EFNA5: variants seen among roughly 807,000 people sequenced by gnomAD.
EFNA5 encodes ephrin-A5.
In EFNA5, 5 loss-of-function variants were observed where a neutral mutation model predicts 22.9. The observed-to-expected ratio is 0.22, with a 90% CI of 0.11 to 0.46. The LOEUF (loss-of-function observed/expected upper bound fraction) is 0.46, where lower values mean the gene tolerates loss of function less well. EFNA5 is among the 20% of genes least tolerant of loss of function. The pLI, the probability that EFNA5 is intolerant of heterozygous loss-of-function variation, is 0.99. For missense variants in EFNA5, 237 were observed against 293.3 expected, an observed-to-expected ratio of 0.81 and a Z score of 1.40; for synonymous variants, 113 against 112.2, an observed-to-expected ratio of 1.01 and a Z score of -0.04.
intron 1 of EFNA5, among the ~76,000 whole-genome samples, chr5:107,584,783 G>C (rs1232319884): frequency 6.6e-6 from 1 of 152,164 alleles, no homozygotes; most frequent in African/African-American, 2.4e-5. Context: ...ATAAGTGTTT[G>C]TGGAACAAAT....
rs146509179 is a variant in EFNA5 at position 107,486,094 on chromosome 5, G to A, written c.126-58585C>T. Among the ~76,000 whole-genome samples the A allele has an allele frequency of 5.3e-5, 8 of 152,286 alleles. No individual in the cohort carries two copies. The East Asian group carries it at 9.6e-4, about 18-fold the overall frequency. ...TCGCAGGTGAAATGACATTAAAGGC[G>A]TTACAGTAAAACAGAGACCAATCCT... On this transcript the variant is annotated intron_variant, in intron 1 of 4. Transcript: ENST00000333274.
intron 2 of EFNA5, among the ~76,000 whole-genome samples, chr5:107,422,655 G>T (rs995033334): frequency 2.0e-5 from 3 of 152,208 alleles, no homozygotes; most frequent in Non-Finnish European, 4.4e-5. Flanking sequence ...CCAGAATCAG[G>T]CAGACGGTGG....
intron 1 of EFNA5, among the ~76,000 whole-genome samples, chr5:107,517,451 C>G (rs1341246258): frequency 6.6e-6 from 1 of 152,168 alleles, no homozygotes; most frequent in Non-Finnish European, 1.5e-5. Context: ...ACTTTAGTTT[C>G]CTCATCTGTA....
At chr5:107,443,195 T>C (rs572766914) in intron 1 of EFNA5, among the ~76,000 whole-genome samples, 4 of 152,308 alleles carry the variant, frequency 2.6e-5, no homozygotes, top group Admixed American at 6.5e-5. Context: ...CCAAATAAGA[T>C]GGCAAATCCA....
chr5:107,663,053 A>C (rs1271883400), intron 1 of EFNA5, among the ~76,000 whole-genome samples: 1 of 152,124 alleles, frequency 6.6e-6, no homozygotes, highest in African/African-American at 2.4e-5. Context: ...TAAATATAAG[A>C]AGATAGCATT....
intron 1 of EFNA5, among the ~76,000 whole-genome samples, chr5:107,620,020 G>A (rs1179489413): frequency 6.6e-6 from 1 of 152,204 alleles, no homozygotes; most frequent in Non-Finnish European, 1.5e-5. Context: ...AAGCACTGTA[G>A]GCTGACAGTA....
chr5:107,556,289 A>ATGT (rs142005937), intron 1 of EFNA5, among the ~76,000 whole-genome samples: 3,898 of 152,306 alleles, frequency 0.026, 154 homozygotes, highest in African/African-American at 0.085. Flanking sequence ...GAGCTGTTAT[A>ATGT]TGTACACATT....
intron 2 of EFNA5, among the ~76,000 whole-genome samples, chr5:107,394,030 C>A (rs1747854839): frequency 6.6e-6 from 1 of 152,228 alleles, no homozygotes; most frequent in Non-Finnish European, 1.5e-5. Context: ...AATACTAAAG[C>A]AACAATTTGC....
intron 1 of EFNA5, among the ~76,000 whole-genome samples, chr5:107,637,915 C>T (rs1036894611): frequency 4.0e-5 from 6 of 151,736 alleles, no homozygotes; most frequent in Non-Finnish European, 5.9e-5. Context: ...GGCACTATCT[C>T]GGCTAACTGC....
chr5:107,597,533 C>G (rs888928911), intron 1 of EFNA5, among the ~76,000 whole-genome samples: 8 of 151,980 alleles, frequency 5.3e-5, no homozygotes, highest in Non-Finnish European at 7.4e-5. Flanking sequence ...TTGTATCACA[C>G]AGAATATAGC....
At chr5:107,625,902 A>G (rs1250495619) in intron 1 of EFNA5, among the ~76,000 whole-genome samples, 2 of 152,218 alleles carry the variant, frequency 1.3e-5, no homozygotes, top group African/African-American at 4.8e-5. Context: ...TGGTTTTCTT[A>G]AATTACAATA....
At chr5:107,427,105 G>A (rs1282636280) in intron 2 of EFNA5, 112 bp downstream of exon 2, 1 of 1,132,944 alleles carries the variant, frequency 8.8e-7, no homozygotes, top group Admixed American at 2.0e-5. Flanking sequence ...CATTTACAAG[G>A]AGATATCTGT....
At chr5:107,521,822 C>A (rs894905145) in intron 1 of EFNA5, among the ~76,000 whole-genome samples, 1 of 151,996 alleles carries the variant, frequency 6.6e-6, no homozygotes, top group African/African-American at 2.4e-5. Context: ...TATTGTATGT[C>A]TTTTTTTCTT....
intron 1 of EFNA5, among the ~76,000 whole-genome samples, chr5:107,544,107 G>A (rs712560): frequency 0.22 from 32,915 of 151,964 alleles, 3,913 homozygotes; most frequent in Middle Eastern, 0.37. Context: ...TGTTACTTGC[G>A]AATCGCCCCT....
chr5:107,451,483 A>C (rs1037285526), intron 1 of EFNA5, among the ~76,000 whole-genome samples: 7 of 152,236 alleles, frequency 4.6e-5, no homozygotes, highest in African/African-American at 1.4e-4. Flanking sequence ...AAGTCCTTTA[A>C]AAATATACTT....
Position 107,378,899 on chromosome 5 carries a change from G to A in EFNA5, c.*2356C>T, listed in dbSNP as rs909597487. The A allele has an allele frequency of 1.3e-5, 2 of 151,904 alleles. No homozygotes were observed. The highest frequency in any genetic ancestry group is 4.8e-5 in the African/African-American group (2 of 41,326). 9.4% of individuals were successfully genotyped at this position (151,904 alleles called of 1,614,324 possible). On this transcript the variant is annotated 3_prime_UTR_variant, in exon 5 of 5. Coordinates refer to ENST00000333274, the MANE Select transcript of EFNA5 (RefSeq NM_001962.3). ...TGATTTCCTTGTGGTTATAGAACAT[G>A]CTGTATTATTTTGGTTCTATTGATC...
chr5:107,399,757 C>A (rs1472663416), intron 2 of EFNA5, among the ~76,000 whole-genome samples: 1 of 152,182 alleles, frequency 6.6e-6, no homozygotes, highest in East Asian at 1.9e-4. Flanking sequence ...CTTTCAACCA[C>A]AGCAGAGCTT....
chr5:107,626,614 T>G (rs1002294982), intron 1 of EFNA5, among the ~76,000 whole-genome samples: 1 of 152,114 alleles, frequency 6.6e-6, no homozygotes, highest in South Asian at 2.1e-4. Flanking sequence ...GAATGAAACA[T>G]GTATGCTGTG....
At chr5:107,420,022 A>G (rs1748612237) in intron 2 of EFNA5, among the ~76,000 whole-genome samples, 1 of 152,176 alleles carries the variant, frequency 6.6e-6, no homozygotes, top group Non-Finnish European at 1.5e-5. Context: ...CTTCTATTTC[A>G]ATAAGAAAAA....
Sources: gnomAD v4.1 joint callset for allele counts (sites outside exome capture counted in the v4.1 genomes callset) on GRCh38, gnomAD v4.1.1 for gene constraint, MANE v1.5 for transcripts, NCBI Gene and HGNC (gene_info 2026-07-23, HGNC 2026-07-21) for gene names.